Variants in FAM13C observed in about 807,000 individuals in gnomAD.
FAM13C encodes the protein protein FAM13C.
FAM13C carries 37 observed loss-of-function variants against 73.2 expected under a neutral mutation model. The ratio of observed to expected loss-of-function variants is 0.51; its 90% CI spans 0.39 to 0.67. The LOEUF (loss-of-function observed/expected upper bound fraction) is 0.67, where lower values mean the gene tolerates loss of function less well. Ranked by LOEUF, FAM13C falls within the 30% of genes least tolerant of loss-of-function variation. The pLI, the probability that FAM13C is intolerant of heterozygous loss-of-function variation, is 0.00. For missense variants in FAM13C, 589 were observed against 715.6 expected, an observed-to-expected ratio of 0.82 and a Z score of 2.02; for synonymous variants, 246 against 260.9, an observed-to-expected ratio of 0.94 and a Z score of 0.55.
chr10:59,260,402 C>G (rs898478096), intron 10 of FAM13C, among the ~76,000 whole-genome samples: 2 of 152,150 alleles, frequency 1.3e-5, no homozygotes, highest in Non-Finnish European at 2.9e-5. Context: ...ATCCTGTTCT[C>G]CAACCCTCAA....
chr10:59,331,450 A>G (rs1330140845), intron 3 of FAM13C, among the ~76,000 whole-genome samples: 3 of 152,196 alleles, frequency 2.0e-5, no homozygotes, highest in African/African-American at 7.2e-5. Context: ...GGGGATGGTG[A>G]ACAACCAGGT....
chr10:59,286,542 T>TA (rs58052786), intron 5 of FAM13C, among the ~76,000 whole-genome samples: 1 of 140,668 alleles, frequency 7.1e-6, no homozygotes, highest in Non-Finnish European at 1.5e-5. Flanking sequence ...TATATATATA[T>TA]TCATCATACA....
chr10:59,284,714 T>A (rs1845350387), intron 5 of FAM13C, among the ~76,000 whole-genome samples: 1 of 144,490 alleles, frequency 6.9e-6, no homozygotes, highest in African/African-American at 2.6e-5. Context: ...TCATCCCTAC[T>A]CCCCACACCT....
At chr10:59,276,547 A>G (rs1199403762) in intron 6 of FAM13C, among the ~76,000 whole-genome samples, 1 of 152,154 alleles carries the variant, frequency 6.6e-6, no homozygotes, top group Non-Finnish European at 1.5e-5. Flanking sequence ...TGAGAGAGTA[A>G]ATAACCTGTC....
intron 1 of FAM13C, chr10:59,361,153 T>A (rs1856366180): frequency 1.6e-6 from 2 of 1,245,036 alleles, no homozygotes; most frequent in Admixed American, 4.8e-5. Context: ...CAAGCAATCT[T>A]ATAAACAGAA....
chr10:59,335,926 G>A (rs1184612676), intron 3 of FAM13C, among the ~76,000 whole-genome samples: 6 of 152,222 alleles, frequency 3.9e-5, no homozygotes, highest in Admixed American at 2.0e-4. Flanking sequence ...AAATTTAAGT[G>A]ATGATTTAGA....
intron 5 of FAM13C, among the ~76,000 whole-genome samples, chr10:59,291,345 A>G (rs1846198161): frequency 6.6e-6 from 1 of 152,182 alleles, no homozygotes; most frequent in Non-Finnish European, 1.5e-5. Context: ...TCCCTCCCCT[A>G]AAGTAAAGAC....
intron 5 of FAM13C, chr10:59,283,694 T>C: frequency 1.7e-6 from 1 of 593,906 alleles, no homozygotes. Flanking sequence ...GCAGGCTGAG[T>C]TTCTGCCTCA....
In FAM13C at chr10:59,246,534, C is replaced by A. The variant is rs980371729; in HGVS notation, c.*1080G>T. On this transcript the variant is annotated 3_prime_UTR_variant, in exon 14 of 14. Transcript: ENST00000618804. ...GTTGGTACATGAGAGAAAATGTTGA[C>A]CTTTTACTTCCTTTTACAAAAATGA... The A allele has an allele frequency of 2.8e-5, 11 of 393,104 alleles. No homozygotes were observed. The highest frequency in any genetic ancestry group is 2.3e-4 in the African/African-American group (11 of 48,488). The allele number at this position is 393,104 out of a possible 1,614,324, so 24.4% of individuals were successfully genotyped here.
chr10:59,325,933 C>T (rs1421231195), intron 3 of FAM13C, among the ~76,000 whole-genome samples: 2 of 151,992 alleles, frequency 1.3e-5, no homozygotes, highest in African/African-American at 4.8e-5. Flanking sequence ...TATTTAGAAG[C>T]CTCAATATAT....
chr10:59,290,629 A>G (rs1846109216), intron 5 of FAM13C, among the ~76,000 whole-genome samples: 1 of 152,142 alleles, frequency 6.6e-6, no homozygotes, highest in African/African-American at 2.4e-5. Context: ...AGTTCTGATT[A>G]TCTTATCTCA....
intron 4 of FAM13C, among the ~76,000 whole-genome samples, chr10:59,313,513 C>A (rs150846986): frequency 5.6e-4 from 85 of 152,314 alleles, no homozygotes; most frequent in African/African-American, 2.0e-3. Context: ...TTGTCATGTA[C>A]AACCCCTTTA....
chr10:59,301,555 G>A (rs981641195), intron 5 of FAM13C, among the ~76,000 whole-genome samples: 3 of 152,194 alleles, frequency 2.0e-5, no homozygotes, highest in African/African-American at 7.2e-5. Flanking sequence ...TCAAAAAACA[G>A]TTTCTCCCAA....
At chr10:59,248,639 C>T (rs1490261731) in intron 13 of FAM13C, among the ~76,000 whole-genome samples, 1 of 152,126 alleles carries the variant, frequency 6.6e-6, no homozygotes, top group Non-Finnish European at 1.5e-5. Context: ...ATAGTCACCA[C>T]AATTACAACT....
rs375175726 is a variant in FAM13C at position 59,264,147 on chromosome 10, G to A, written c.962C>T (p.Thr321Ile). 1 of 1,588,452 alleles carries A rather than the reference G, an allele frequency of 6.3e-7. No homozygotes were observed. Among genetic ancestry groups the A allele is most frequent in the Non-Finnish European group, 8.6e-7 (1 of 1,164,288 alleles). The change falls in exon 9 of 14, where the codon ACT becomes ATT. Residue 321 changes from threonine to isoleucine, a missense_variant. By Grantham distance (89) the Thr-to-Ile change is moderately conservative. Transcript: ENST00000618804. ...KKYRPSHGDK[T>I]SNPEVLKWMN... Reference sequence around the variant, plus strand: ...CCATTTCAGGACTTCAGGATTAGAAGTCTTGTCACCATGTGAAGGCTACCA... The same window carrying A: ...CCATTTCAGGACTTCAGGATTAGAAATCTTGTCACCATGTGAAGGCTACCA...
At chr10:59,313,982 A>T (rs1233075168) in intron 4 of FAM13C, among the ~76,000 whole-genome samples, 1 of 152,214 alleles carries the variant, frequency 6.6e-6, no homozygotes, top group East Asian at 1.9e-4. Flanking sequence ...TACAGAAAAT[A>T]GGCATATATC....
chr10:59,288,299 C>CT (rs367567050), intron 5 of FAM13C, among the ~76,000 whole-genome samples: 1 of 152,280 alleles, frequency 6.6e-6, no homozygotes, highest in African/African-American at 2.4e-5. Flanking sequence ...CAAGACCAGC[C>CT]TAGCCAACAT....
intron 10 of FAM13C, among the ~76,000 whole-genome samples, chr10:59,254,955 A>G (rs1841809099): frequency 6.6e-6 from 1 of 152,130 alleles, no homozygotes; most frequent in African/African-American, 2.4e-5. Context: ...GAAGTTTCTT[A>G]AAGGATACGT....
chr10:59,332,240 ATG>A (rs556199666), intron 3 of FAM13C, among the ~76,000 whole-genome samples: 10 of 151,314 alleles, frequency 6.6e-5, no homozygotes, highest in South Asian at 2.1e-4. Context: ...TTGTATATAT[ATG>A]TGTGTGTGTG....
Sources: allele counts gnomAD v4.1 joint callset (sites outside exome capture counted in the v4.1 genomes callset), GRCh38; gene constraint gnomAD v4.1.1; transcripts MANE v1.5; gene names NCBI Gene and HGNC (gene_info 2026-07-23, HGNC 2026-07-21).